The following ADGRD1 variants were observed in gnomAD, a reference collection of about 807,000 sequenced individuals.
ADGRD1 encodes the protein G-protein coupled receptor 133.
In ADGRD1, 77 loss-of-function variants were observed where a neutral mutation model predicts 113.4. The observed-to-expected ratio is 0.68, with a 90% CI of 0.57 to 0.82. The LOEUF (loss-of-function observed/expected upper bound fraction) is 0.82, where lower values mean the gene tolerates loss of function less well. ADGRD1 is among the 40% of genes least tolerant of loss of function. ADGRD1 has a pLI of 0.00. For missense variants in ADGRD1, 1,036 were observed against 1,139.1 expected (o/e 0.91, Z 1.30); for synonymous variants, 474 against 475.0 (o/e 1.00, Z 0.03).
intron 10 of ADGRD1, 146 bp from the exon 11 acceptor site, chr12:131,004,040 T>TTTTGG: frequency 1.6e-5 from 9 of 548,588 alleles, no homozygotes; most frequent in South Asian, 4.8e-5. Context: ...TTTTTTTTTT[T>TTTTGG]GAGGCCATGC....
At chr12:131,088,535 T>C (rs1217745827) in intron 15 of ADGRD1, among the ~76,000 whole-genome samples, 1 of 152,030 alleles carries the variant, frequency 6.6e-6, no homozygotes, top group African/African-American at 2.4e-5. Context: ...GGATGGAGCC[T>C]CCCGGCCCTG....
At chr12:131,029,537 C>G (rs1189642413) in intron 13 of ADGRD1, among the ~76,000 whole-genome samples, 3 of 150,544 alleles carry the variant, frequency 2.0e-5, no homozygotes, top group African/African-American at 7.4e-5. Context: ...TTGTGGACCC[C>G]TCGTTCGGTG....
chr12:131,110,136 TA>T (rs35638946), intron 18 of ADGRD1, among the ~76,000 whole-genome samples: 100,358 of 152,100 alleles, frequency 0.66, 35,608 homozygotes, highest in East Asian at 0.93. Context: ...ACTGGATTTT[TA>T]AAAAATTGTC....
rs200232576 is a variant in ADGRD1 at position 131,004,189 on chromosome 12, T to A, written c.1148T>A (p.Phe383Tyr). Reference protein sequence around the residue: ...TVEGSSAMAEFSVAKILPKTV... With the variant: ...TVEGSSAMAEYSVAKILPKTV... ...TCTCTCGCTCCTTCCACCGCAGAGT[T>A]TTCCGTGGCCAAAATCCTGCCCAAG... Residue 383 changes from phenylalanine to tyrosine, a missense_variant, in exon 11 of 25, where the codon TTT becomes TAT. By Grantham distance (22) the Phe-to-Tyr change is conservative. Coordinates refer to ENST00000261654, the MANE Select transcript of ADGRD1 (RefSeq NM_198827.5). 3 of 1,611,606 alleles carry A rather than the reference T, an allele frequency of 1.9e-6. No individual in the cohort carries two copies. In the African/African-American group the frequency reaches 4.0e-5, roughly 22 times the overall value.
At chr12:131,119,987 T>C (rs1416726884) in intron 19 of ADGRD1, among the ~76,000 whole-genome samples, 1 of 152,168 alleles carries the variant, frequency 6.6e-6, no homozygotes, top group Non-Finnish European at 1.5e-5. Flanking sequence ...ATTCCTCATC[T>C]GCAGGATTGG....
chr12:131,002,843 G>A, intron 9 of ADGRD1: 1 of 1,243,252 alleles, frequency 8.0e-7, no homozygotes, highest in Non-Finnish European at 1.0e-6. Flanking sequence ...GGGAGGTAGG[G>A]GGAGGGTCTG....
intron 13 of ADGRD1, chr12:131,025,555 T>G (rs1471810013): frequency 6.6e-6 from 1 of 151,854 alleles, no homozygotes; most frequent in Non-Finnish European, 1.5e-5. Flanking sequence ...CTTTTTTTTT[T>G]TTTTTGATAC....
Position 130,955,123 on chromosome 12 carries a change from C to CTTTTTTTTTTTTTTTTTTTTTTTTTTTTT in ADGRD1, c.103+476_103+477insTTTTTTTTTTTTTTTTTTTTTTTTTTTTT. ...CACAGGTGTGCACCACTACACCCAGCTTTTTTTTTTTTTGTATTTTTAGTA... is the reference window on the plus strand; with the variant it reads ...CACAGGTGTGCACCACTACACCCAGCTTTTTTTTTTTTTTTTTTTTTTTTTTTTTTTTTTTTTTTTTTGTATTTTTAGTA... On this transcript the variant is annotated intron_variant, in intron 2 of 24. Coordinates refer to ENST00000261654, the MANE Select transcript of ADGRD1 (RefSeq NM_198827.5). Among the ~76,000 whole-genome samples, 71 of 99,664 alleles carry CTTTTTTTTTTTTTTTTTTTTTTTTTTTTT rather than the reference C, an allele frequency of 7.1e-4. 6 individuals carry two copies. The highest frequency in any genetic ancestry group is 1.0e-3 in the Non-Finnish European group (53 of 51,566). 65.4% of individuals were successfully genotyped at this position (99,664 alleles called of 152,430 possible).
chr12:131,089,873 G>C (rs2137244865), intron 15 of ADGRD1, among the ~76,000 whole-genome samples: 1 of 152,258 alleles, frequency 6.6e-6, no homozygotes, highest in East Asian at 1.9e-4. Context: ...CCCATGCTCT[G>C]GAGCATCAGC....
chr12:130,964,581 A>T (rs1393019022), intron 2 of ADGRD1, among the ~76,000 whole-genome samples: 7 of 152,214 alleles, frequency 4.6e-5, no homozygotes, highest in Admixed American at 3.3e-4. Context: ...GCTACTTGGG[A>T]GGCTGAGGCA....
chr12:131,011,165 GCCCCACCTCACCCCTGCCCCACCCTT>G lies in ADGRD1; in HGVS notation c.1332-3021_1332-2996del, dbSNP rs1311696785. ...CCCCACCTCACCCCTTCCCCACCCT[GCCCCACCTCACCCCTGCCCCACCCTT>G]CCCCACCTCACCTCTGTCCCCACCT... is the stretch of plus-strand genomic sequence containing the variant. On this transcript the variant is annotated intron_variant, in intron 12 of 24. Coordinates refer to ENST00000261654, the MANE Select transcript of ADGRD1 (RefSeq NM_198827.5). 3.9e-3 allele frequency among the ~76,000 whole-genome samples: 381 copies of G among 98,754 alleles called. 1 individual carries two copies. Among genetic ancestry groups the G allele is most frequent in the African/African-American group, 0.014 (368 of 26,020 alleles). 64.8% of individuals were successfully genotyped at this position (98,754 alleles called of 152,430 possible). A position where few individuals can be genotyped will look rare whatever the true frequency, so the allele number is the denominator to read the frequency against.
intron 9 of ADGRD1, among the ~76,000 whole-genome samples, chr12:131,001,209 GA>G (rs984780332): frequency 3.3e-5 from 5 of 151,872 alleles, no homozygotes; most frequent in Admixed American, 2.0e-4. Context: ...TTAAGGTGCA[GA>G]AAAAAAGCTT....
intron 13 of ADGRD1, chr12:131,035,027 C>T (rs1306933032): frequency 2.6e-5 from 4 of 152,378 alleles, no homozygotes; most frequent in Non-Finnish European, 5.9e-5. Flanking sequence ...GGGCCCCTGT[C>T]ACTCAGAGTG....
rs76486680 is a variant in ADGRD1, at chr12:131,139,511, G to C, written c.*248G>C. The C allele has an allele frequency of 3.0e-3, 1,427 of 481,112 alleles. 15 individuals are homozygous for C. The highest frequency in any genetic ancestry group is 0.023 in the African/African-American group (1,181 of 50,958). The allele number at this position is 481,112 out of a possible 1,614,324, so 29.8% of individuals were successfully genotyped here. A position where few individuals can be genotyped will look rare whatever the true frequency, so the allele number is the denominator to read the frequency against. On this transcript the variant is annotated 3_prime_UTR_variant, in exon 25 of 25. Coordinates refer to ENST00000261654, the MANE Select transcript of ADGRD1 (RefSeq NM_198827.5). ...CACCCGTGGGCTGAGTGACTTCCTC[G>C]GGGGATTCCCAGGACACAGTGGCCT...
chr12:131,067,115 C>A (rs1228095772), intron 13 of ADGRD1, among the ~76,000 whole-genome samples: 5 of 151,622 alleles, frequency 3.3e-5, no homozygotes, highest in Non-Finnish European at 7.4e-5. Context: ...GATTTGGGGG[C>A]TCAAAAAGTT....
At chr12:130,967,465 A>G (rs1288635551) in intron 3 of ADGRD1, 1 of 158,150 alleles carries the variant, frequency 6.3e-6, no homozygotes, top group African/African-American at 2.4e-5. Context: ...ATCATGTCAG[A>G]TGGCTGACAT....
chr12:131,128,182 G>A (rs1413135311), intron 20 of ADGRD1, among the ~76,000 whole-genome samples: 2 of 147,226 alleles, frequency 1.4e-5, no homozygotes, highest in African/African-American at 5.1e-5. Context: ...GATTGTGTTG[G>A]TTGTGATGGG....
chr12:131,092,761 G>A (rs1222032593), intron 15 of ADGRD1, among the ~76,000 whole-genome samples: 1 of 152,194 alleles, frequency 6.6e-6, no homozygotes, highest in African/African-American at 2.4e-5. Context: ...GTCATGAACC[G>A]TGGTCTGAAG....
At chr12:131,037,505 T>C (rs1881632269) in intron 13 of ADGRD1, among the ~76,000 whole-genome samples, 2 of 111,976 alleles carry the variant, frequency 1.8e-5, no homozygotes, top group African/African-American at 7.6e-5. Context: ...TCTTACTCAT[T>C]GCACTGGGTC....
Sources: allele counts gnomAD v4.1 joint callset (sites outside exome capture counted in the v4.1 genomes callset), GRCh38; gene constraint gnomAD v4.1.1; transcripts MANE v1.5; gene names NCBI Gene and HGNC (gene_info 2026-07-23, HGNC 2026-07-21).